Variants in SIKE1 observed in about 807,000 individuals in gnomAD.
SIKE1 encodes suppressor of IKK epsilon.
A neutral mutation model predicts 25.8 loss-of-function variants in SIKE1; 13 were observed. The ratio of observed to expected loss-of-function variants is 0.50; its 90% CI spans 0.33 to 0.80. SIKE1 has a LOEUF of 0.80. SIKE1 is among the 30% of genes least tolerant of loss of function. SIKE1 has a pLI of 0.02. For missense variants in SIKE1, 222 were observed against 252.4 expected (o/e 0.88, Z 0.82); for synonymous variants, 86 against 95.5 (o/e 0.90, Z 0.58).
intron 1 of SIKE1, 53 bp from the exon 2 acceptor site, chr1:114,780,268 C>A: frequency 6.4e-7 from 1 of 1,559,622 alleles, no homozygotes; most frequent in Non-Finnish European, 8.8e-7. Flanking sequence ...GCGGCAGATG[C>A]AACTGAAGAG....
chr1:114,780,408 C>T, intron 1 of SIKE1, 41 bp downstream of exon 1: 2 of 1,610,262 alleles, frequency 1.2e-6, no homozygotes, highest in Non-Finnish European at 1.7e-6. Flanking sequence ...CCCTTCAGTG[C>T]CCAGAATCCG....
chr1:114,779,607 A>G (rs1662344424), intron 2 of SIKE1, among the ~76,000 whole-genome samples: 1 of 152,224 alleles, frequency 6.6e-6, no homozygotes, highest in South Asian at 2.1e-4. Flanking sequence ...ATTGTGGTAG[A>G]TAAAAATGAA....
rs779039998 is a variant in SIKE1, at chr1:114,780,524, C to A, written c.84G>T (p.Ser28=). 6.2e-7 allele frequency: 1 copy of A among 1,613,718 alleles called. No individual in the cohort carries two copies. Among genetic ancestry groups the A allele is most frequent in the Non-Finnish European group, 8.5e-7 (1 of 1,180,020 alleles). Residue 28 remains serine (S), a synonymous_variant, in exon 1 of 5, where the codon TCG becomes TCT. Transcript: ENST00000060969. The part of the protein sequence containing the change: ...RLREHDAAAE[S]LVDQSAALHR... ...GCAGCGCCGCCGACTGATCCACCAGCGACTCGGCGGCCGCATCGTGCTCCC... is the reference window on the plus strand; with the variant it reads ...GCAGCGCCGCCGACTGATCCACCAGAGACTCGGCGGCCGCATCGTGCTCCC...
Position 114,772,513 on chromosome 1 carries a change from G to A in SIKE1, c.*1758C>T, listed in dbSNP as rs1431678306. 3 of 152,122 alleles carry A rather than the reference G, an allele frequency of 2.0e-5. No homozygotes were observed. Among genetic ancestry groups the A allele is most frequent in the African/African-American group, 7.2e-5 (3 of 41,416 alleles). 9.4% of individuals were successfully genotyped at this position (152,122 alleles called of 1,614,324 possible). ...TATGTCGATTTATCCTAACACTTGA[G>A]ATATAAAGAACTTTATAAACAGCTC... On this transcript the variant is annotated 3_prime_UTR_variant, in exon 5 of 5. Transcript: ENST00000060969.
At chr1:114,775,732 C>T (rs1041249001) in intron 4 of SIKE1, among the ~76,000 whole-genome samples, 3 of 152,100 alleles carry the variant, frequency 2.0e-5, no homozygotes, top group Non-Finnish European at 4.4e-5. Context: ...CTCTTGAACT[C>T]TTGGGCTCAA....
At chr1:114,776,649 T>TA (rs1388356538) in intron 3 of SIKE1, among the ~76,000 whole-genome samples, 190 bp from the exon 4 acceptor site, 20 of 72,152 alleles carry the variant, frequency 2.8e-4, no homozygotes, top group Admixed American at 1.4e-3. Flanking sequence ...TTCACGGATA[T>TA]TTTTTTTTTT....
Position 114,771,681 on chromosome 1 carries a change from C to A in SIKE1, c.*2590G>T, listed in dbSNP as rs1662073963. ...TATTGAATTCTCAAGTTTAAAGTCCCTCTTCTGTATCTTATACATACTATA... is the reference window on the plus strand; with the variant it reads ...TATTGAATTCTCAAGTTTAAAGTCCATCTTCTGTATCTTATACATACTATA... On this transcript the variant is annotated 3_prime_UTR_variant, in exon 5 of 5. Coordinates refer to ENST00000060969, the MANE Select transcript of SIKE1 (RefSeq NM_025073.3). 5 of 152,154 alleles carry A rather than the reference C, an allele frequency of 3.3e-5. No homozygotes were observed. Among genetic ancestry groups the A allele is most frequent in the Admixed American group, 3.3e-4 (5 of 15,268 alleles). The allele number at this position is 152,154 out of a possible 1,614,324, so 9.4% of individuals were successfully genotyped here.
In SIKE1 at chr1:114,780,449, C is replaced by T; in HGVS notation, c.159G>A (p.Gln53=). ...ACTGGACTCCTACCCTCTGCCTGAC[C>T]TGGTCCGGAAGCGCTGTCCCCGCCT... The part of the protein sequence containing the change: ...MREAGTALPD[Q]YQEDASDMKD... The change falls in exon 1 of 5, where the codon CAG becomes CAA. Residue 53 remains glutamine, a splice_region_variant and synonymous_variant. Transcript: ENST00000060969. 6.2e-7 allele frequency: 1 copy of T among 1,612,944 alleles called. No individual in the cohort carries two copies. The highest frequency in any genetic ancestry group is 1.1e-5 in the South Asian group (1 of 91,018).
chr1:114,778,612 T>C (rs1662313917), intron 3 of SIKE1, among the ~76,000 whole-genome samples: 1 of 152,112 alleles, frequency 6.6e-6, no homozygotes, highest in Non-Finnish European at 1.5e-5. Context: ...CCCACTCAAA[T>C]AAAAGGATCT....
rs1461098986 is a variant in SIKE1 at position 114,776,396 on chromosome 1, C to T, written c.472G>A (p.Val158Met). ...ATCTTACAAAACTGGTCATCATCCA[C>T]CTGAACTGCTTTCCTCATCACTTCT... ...MGEVMRKAVQ[V>M]DDDQFCKIQE... The change falls in exon 4 of 5, where the codon GTG (valine) becomes ATG (methionine). Residue 158 changes from valine to methionine, a missense_variant. By Grantham distance (21) the Val-to-Met change is conservative (BLOSUM62 1). Coordinates refer to ENST00000060969, the MANE Select transcript of SIKE1 (RefSeq NM_025073.3). The T allele has an allele frequency of 6.2e-7, 1 of 1,613,804 alleles. No individual in the cohort carries two copies. The highest frequency in any genetic ancestry group is 8.5e-7 in the Non-Finnish European group (1 of 1,179,862).
At chr1:114,779,050 C>G (rs1662330200) in intron 3 of SIKE1, 92 bp downstream of exon 3, 2 of 1,486,480 alleles carry the variant, frequency 1.3e-6, no homozygotes, top group Non-Finnish European at 1.9e-6. Context: ...AGAGCCAGAC[C>G]CTATCTCACA....
chr1:114,778,356 T>C (rs532114513), intron 3 of SIKE1, among the ~76,000 whole-genome samples: 1 of 152,228 alleles, frequency 6.6e-6, no homozygotes. Flanking sequence ...CAACATAGTA[T>C]GATACTATGT....
chr1:114,776,614 G>A (rs983942196), intron 3 of SIKE1, among the ~76,000 whole-genome samples, 155 bp from the exon 4 acceptor site: 6 of 151,848 alleles, frequency 4.0e-5, no homozygotes, highest in Non-Finnish European at 8.8e-5. Flanking sequence ...CCTCAGACAT[G>A]AAGCCATAGT....
chr1:114,773,606 T>C lies in SIKE1; in HGVS notation c.*665A>G, dbSNP rs912150056. On this transcript the variant is annotated 3_prime_UTR_variant, in exon 5 of 5. Transcript: ENST00000060969. ...ACAAGCTCCTCAGCTTTGAACAATA[T>C]GAACTTTGGACAATATGACAACTAT... The C allele has an allele frequency of 2.0e-5, 3 of 152,656 alleles. No individual in the cohort carries two copies. Among genetic ancestry groups the C allele is most frequent in the African/African-American group, 7.2e-5 (3 of 41,464 alleles). The allele number at this position is 152,656 out of a possible 1,614,324, so 9.5% of individuals were successfully genotyped here.
At chr1:114,778,640 CTTCT>C (rs771163008) in intron 3 of SIKE1, among the ~76,000 whole-genome samples, 2 of 152,080 alleles carry the variant, frequency 1.3e-5, no homozygotes, top group Non-Finnish European at 1.5e-5. Flanking sequence ...CCCTATCCTC[CTTCT>C]TTCTATTCAT....
chr1:114,774,425 T>A, intron 4 of SIKE1, 53 bp from the exon 5 acceptor site: 1 of 1,206,468 alleles, frequency 8.3e-7, no homozygotes, highest in Non-Finnish European at 1.2e-6. Flanking sequence ...CCAACTGCAT[T>A]ACAACAACAC....
intron 1 of SIKE1, 91 bp from the exon 2 acceptor site, chr1:114,780,306 T>A (rs1180333100): frequency 1.3e-6 from 2 of 1,560,698 alleles, no homozygotes; most frequent in African/African-American, 2.7e-5. Context: ...AGGGCAGGAT[T>A]CTCAGCCCCG....
At chr1:114,780,334 C>G in intron 1 of SIKE1, 115 bp downstream of exon 1, 1 of 1,595,986 alleles carries the variant, frequency 6.3e-7, no homozygotes, top group Non-Finnish European at 8.6e-7. Flanking sequence ...AAAATGGTCT[C>G]ACCGCCGCCC....
At position 114,780,135 on chromosome 1, in the gene SIKE1, A is replaced by G; in HGVS notation, c.240T>C (p.Ile80=). The G allele has an allele frequency of 1.2e-6, 2 of 1,613,608 alleles. No individual in the cohort carries two copies. The highest frequency in any genetic ancestry group is 1.7e-6 in the Non-Finnish European group (2 of 1,179,756). Residue 80 remains isoleucine, a synonymous_variant, in exon 2 of 5, where the codon ATT becomes ATC. Coordinates refer to ENST00000060969, the MANE Select transcript of SIKE1 (RefSeq NM_025073.3). ...CTCTGTTTTCCTGTTGCAAGTCTCT[A>G]ATCTGTGTGTTCTCTTGGGACAGCA... ...HILLSQENTQ[I]RDLQQENREL... is the part of the protein sequence containing the mutation.
Sources: allele counts gnomAD v4.1 joint callset (sites outside exome capture counted in the v4.1 genomes callset), GRCh38; gene constraint gnomAD v4.1.1; transcripts MANE v1.5; gene names NCBI Gene and HGNC (gene_info 2026-07-23, HGNC 2026-07-21).